NCKAP5: variants seen among roughly 807,000 people sequenced by gnomAD.
NCKAP5 encodes NCK associated protein 5.
A neutral mutation model predicts 167.0 loss-of-function variants in NCKAP5; 92 were observed. That is an observed-to-expected ratio of 0.55 (90% CI 0.47 to 0.66). The LOEUF is 0.66. Among genes scored for constraint, NCKAP5 ranks in the 30% least tolerant of loss-of-function variants. The pLI, the probability that NCKAP5 is intolerant of heterozygous loss-of-function variation, is 0.00. For missense variants in NCKAP5, 2,378 were observed against 2,315.0 expected (o/e 1.03, Z -0.56); for synonymous variants, 891 against 877.4 (o/e 1.02, Z -0.27).
intron 8 of NCKAP5, among the ~76,000 whole-genome samples, chr2:132,880,005 G>A (rs1276676661): frequency 2.0e-5 from 3 of 152,046 alleles, no homozygotes; most frequent in South Asian, 2.1e-4. Flanking sequence ...GCAGCAACAT[G>A]GACAGAACTA....
intron 6 of NCKAP5, among the ~76,000 whole-genome samples, chr2:133,114,095 T>C (rs1559152268): frequency 1.3e-5 from 2 of 152,248 alleles, no homozygotes; most frequent in Non-Finnish European, 2.9e-5. Flanking sequence ...TTATATACTC[T>C]TGTTCTAGGC....
At chr2:133,462,829 T>C (rs1162539791) in intron 3 of NCKAP5, among the ~76,000 whole-genome samples, 9 of 152,200 alleles carry the variant, frequency 5.9e-5, no homozygotes, top group African/African-American at 1.9e-4. Flanking sequence ...AATATGTCAA[T>C]AGGCAACAGA....
intron 6 of NCKAP5, among the ~76,000 whole-genome samples, chr2:133,112,706 G>A (rs1479717903): frequency 6.6e-6 from 1 of 152,174 alleles, no homozygotes; most frequent in Admixed American, 6.5e-5. Context: ...AGAAGTATTG[G>A]AAACCCTTCC....
rs554606723 is a variant in NCKAP5, at chr2:132,755,156, T to A, written c.5128+18660A>T. Among the ~76,000 whole-genome samples the A allele has an allele frequency of 2.0e-5, 3 of 152,290 alleles. No individual in the cohort carries two copies. The East Asian group carries it at 5.8e-4, about 29-fold the overall frequency. ...TCCTTCTTACTGGCTGGAACCTAAC[T>A]ATTGGGCAAAGCCCCAGGCCATGAG... On this transcript the variant is annotated intron_variant, in intron 16 of 19. Transcript: ENST00000409261.
At chr2:132,808,203 A>G (rs1192003322) in intron 11 of NCKAP5, among the ~76,000 whole-genome samples, 1 of 152,040 alleles carries the variant, frequency 6.6e-6, no homozygotes, top group African/African-American at 2.4e-5. Flanking sequence ...CATCAAGGAT[A>G]TTGGTCTGTA....
At chr2:133,607,521 C>T in the NCKAP5 span, among the ~76,000 whole-genome samples, 1 of 152,120 alleles carries the variant, frequency 6.6e-6, no homozygotes, top group African/African-American at 2.4e-5. Flanking sequence ...GCTGAGACAA[C>T]ACTGGATTAA....
chr2:132,895,128 G>C (rs1483790274), intron 8 of NCKAP5, among the ~76,000 whole-genome samples: 2 of 151,924 alleles, frequency 1.3e-5, no homozygotes, highest in Non-Finnish European at 2.9e-5. Flanking sequence ...TCAGGAGATG[G>C]AGACCTTCCT....
chr2:132,909,529 C>T (rs1694276182), intron 8 of NCKAP5, among the ~76,000 whole-genome samples: 1 of 152,064 alleles, frequency 6.6e-6, no homozygotes, highest in Non-Finnish European at 1.5e-5. Flanking sequence ...TTCTATATTC[C>T]ATTTCCTCAG....
At chr2:132,737,376 C>T (rs1426709183) in intron 16 of NCKAP5, among the ~76,000 whole-genome samples, 1 of 152,156 alleles carries the variant, frequency 6.6e-6, no homozygotes, top group Non-Finnish European at 1.5e-5. Context: ...TTCTACAAGG[C>T]TCTCCTTTTG....
At chr2:133,375,775 A>G (rs1488641473) in intron 3 of NCKAP5, among the ~76,000 whole-genome samples, 1 of 152,242 alleles carries the variant, frequency 6.6e-6, no homozygotes, top group African/African-American at 2.4e-5. Context: ...AAATTATCTC[A>G]TTGCATTTTA....
chr2:133,376,650 CT>C (rs1292379504), intron 3 of NCKAP5, among the ~76,000 whole-genome samples: 1 of 152,164 alleles, frequency 6.6e-6, no homozygotes. Context: ...TACAGCATAC[CT>C]TTGCTTAAAC....
the NCKAP5 span, among the ~76,000 whole-genome samples, chr2:133,622,093 G>A: frequency 6.6e-6 from 1 of 152,048 alleles, no homozygotes. Flanking sequence ...ATCCCTTTAT[G>A]ATTAAAACCT....
intron 3 of NCKAP5, among the ~76,000 whole-genome samples, chr2:133,363,566 GT>G (rs1685263587): frequency 6.6e-6 from 1 of 152,140 alleles, no homozygotes; most frequent in Non-Finnish European, 1.5e-5. Context: ...CTATAGCATA[GT>G]GCTTCAAAGG....
At chr2:132,954,720 A>C (rs1306227284) in intron 8 of NCKAP5, 2 of 451,050 alleles carry the variant, frequency 4.4e-6, no homozygotes, top group African/African-American at 2.0e-5. Flanking sequence ...CAAAAAGACT[A>C]GAAATATATA....
intron 6 of NCKAP5, among the ~76,000 whole-genome samples, chr2:133,073,541 C>T (rs371263635): frequency 6.6e-5 from 10 of 152,170 alleles, no homozygotes; most frequent in African/African-American, 2.4e-4. Flanking sequence ...GCTAAGCCAA[C>T]ACTGGAACCA....
intron 11 of NCKAP5, among the ~76,000 whole-genome samples, chr2:132,845,535 T>A (rs1337473120): frequency 6.6e-6 from 1 of 152,186 alleles, no homozygotes; most frequent in Non-Finnish European, 1.5e-5. Context: ...CAACCATTTA[T>A]GCATATGTCA....
At chr2:133,612,973 C>T in the NCKAP5 span, among the ~76,000 whole-genome samples, 1 of 152,152 alleles carries the variant, frequency 6.6e-6, no homozygotes, top group Non-Finnish European at 1.5e-5. Context: ...AGGAAGGAAA[C>T]TTACAGCACT....
chr2:133,299,851 T>C (rs1164934511), intron 4 of NCKAP5, among the ~76,000 whole-genome samples: 1 of 152,100 alleles, frequency 6.6e-6, no homozygotes, highest in Non-Finnish European at 1.5e-5. Flanking sequence ...CATCACGTAA[T>C]TAAGCACCAG....
intron 2 of NCKAP5, among the ~76,000 whole-genome samples, chr2:133,526,345 A>T: frequency 6.8e-6 from 1 of 146,822 alleles, no homozygotes; most frequent in East Asian, 2.1e-4. Context: ...GGGAGGGAAT[A>T]CATGTCCTCA....
Sources: allele counts gnomAD v4.1 joint callset (sites outside exome capture counted in the v4.1 genomes callset), GRCh38; gene constraint gnomAD v4.1.1; transcripts MANE v1.5; gene names NCBI Gene and HGNC (gene_info 2026-07-23, HGNC 2026-07-21).